KCTD8: variants seen among roughly 807,000 people sequenced by gnomAD.
KCTD8 encodes the protein BTB/POZ domain-containing protein KCTD8.
Under a neutral mutation model 31.5 loss-of-function variants are expected in KCTD8, and 27 were observed. The ratio of observed to expected loss-of-function variants is 0.86; its 90% CI spans 0.63 to 1.18. KCTD8 has a LOEUF of 1.18. Among genes scored for constraint, KCTD8 ranks in the 50% most tolerant of loss-of-function variants. KCTD8 has a pLI of 0.00. For missense variants in KCTD8, 658 were observed against 647.7 expected (o/e 1.02, Z -0.17); for synonymous variants, 290 against 280.0 (o/e 1.04, Z -0.36).
At chr4:44,272,066 A>T (rs1052203591) in intron 1 of KCTD8, among the ~76,000 whole-genome samples, 147 of 151,636 alleles carry the variant, frequency 9.7e-4, no homozygotes, top group African/African-American at 3.5e-3. Context: ...GAGAAGACAT[A>T]CATTGAGTGT....
rs1197451507 is a variant in KCTD8, at chr4:44,380,414, T to C, written c.961+67149A>G. 6.9e-5 allele frequency among the ~76,000 whole-genome samples: 10 copies of C among 145,118 alleles called. No homozygotes were observed. In the South Asian group the frequency reaches 2.1e-3, roughly 31 times the overall value. ...ATCAATATTGGCAAGCGAGACTCCA[T>C]CTCAAAAAAAAAAAAAAATCAGTAT... is the stretch of plus-strand genomic sequence containing the variant. On this transcript the variant is annotated intron_variant, in intron 1 of 1. Transcript: ENST00000360029.
intron 1 of KCTD8, among the ~76,000 whole-genome samples, chr4:44,418,515 A>G (rs1721132968): frequency 6.6e-6 from 1 of 152,214 alleles, no homozygotes; most frequent in Admixed American, 6.5e-5. Flanking sequence ...TCAGATCAAC[A>G]TTAGAAAAAG....
chr4:44,384,740 A>G (rs576865520), intron 1 of KCTD8, among the ~76,000 whole-genome samples: 11 of 151,810 alleles, frequency 7.2e-5, no homozygotes, highest in Admixed American at 2.0e-4. Flanking sequence ...AGCTGACTAT[A>G]GTTAACTACA....
At chr4:44,236,897 G>T (rs1375335053) in intron 1 of KCTD8, among the ~76,000 whole-genome samples, 1 of 152,144 alleles carries the variant, frequency 6.6e-6, no homozygotes, top group Non-Finnish European at 1.5e-5. Context: ...GAGATCTGAT[G>T]ATTTTATAAG....
chr4:44,184,650 C>T lies in KCTD8; in HGVS notation c.962-9400G>A, dbSNP rs183297251. Reference sequence around the variant, plus strand: ...GTGCTTTTCTATTCTCTCATGGTGCCTTCATCAGAATAGTTGCTTAACAAA... The same window carrying T: ...GTGCTTTTCTATTCTCTCATGGTGCTTTCATCAGAATAGTTGCTTAACAAA... On this transcript the variant is annotated intron_variant, in intron 1 of 1. Transcript: ENST00000360029. 1.0e-3 allele frequency among the ~76,000 whole-genome samples: 157 copies of T among 152,320 alleles called. 1 individual carries two copies. The highest frequency in any genetic ancestry group is 0.01 in the Middle Eastern group (3 of 294).
intron 1 of KCTD8, among the ~76,000 whole-genome samples, chr4:44,345,402 T>C (rs1242666676): frequency 6.6e-6 from 1 of 152,134 alleles, no homozygotes; most frequent in African/African-American, 2.4e-5. Context: ...AAGTACTCTC[T>C]GGTCAGATTT....
intron 1 of KCTD8, among the ~76,000 whole-genome samples, chr4:44,295,074 C>A (rs1190889086): frequency 6.6e-6 from 1 of 152,066 alleles, no homozygotes; most frequent in East Asian, 1.9e-4. Flanking sequence ...AGGGGGATCC[C>A]TTGAGCCCAG....
intron 1 of KCTD8, among the ~76,000 whole-genome samples, chr4:44,385,187 A>G (rs771160990): frequency 9.2e-5 from 14 of 151,672 alleles, no homozygotes; most frequent in Non-Finnish European, 1.6e-4. Flanking sequence ...TCAAAACCCC[A>G]ATGACATTTT....
intron 1 of KCTD8, among the ~76,000 whole-genome samples, chr4:44,342,959 A>G (rs1718943389): frequency 6.6e-6 from 1 of 152,198 alleles, no homozygotes; most frequent in Non-Finnish European, 1.5e-5. Context: ...GCTTAAGAGA[A>G]TGTTTGGTTG....
At chr4:44,287,096 C>G (rs2109382588) in intron 1 of KCTD8, among the ~76,000 whole-genome samples, 1 of 152,140 alleles carries the variant, frequency 6.6e-6, no homozygotes, top group East Asian at 1.9e-4. Flanking sequence ...ATATAAACCA[C>G]ATAAACTTGC....
At chr4:44,316,724 GC>G (rs1718119193) in intron 1 of KCTD8, among the ~76,000 whole-genome samples, 1 of 141,092 alleles carries the variant, frequency 7.1e-6, no homozygotes, top group Non-Finnish European at 1.5e-5. Context: ...GCCGAGGCGG[GC>G]CAATCACAAG....
intron 1 of KCTD8, among the ~76,000 whole-genome samples, chr4:44,337,338 A>G (rs1267647716): frequency 6.6e-6 from 1 of 152,192 alleles, no homozygotes; most frequent in African/African-American, 2.4e-5. Context: ...TTAAAAGTAA[A>G]AACTATAACC....
chr4:44,397,338 T>G (rs1173804416), intron 1 of KCTD8, among the ~76,000 whole-genome samples: 1 of 152,170 alleles, frequency 6.6e-6, no homozygotes, highest in Admixed American at 6.6e-5. Flanking sequence ...TCTCTAATAC[T>G]CATATACGTA....
At chr4:44,431,601 C>G (rs1721508412) in intron 1 of KCTD8, among the ~76,000 whole-genome samples, 1 of 151,344 alleles carries the variant, frequency 6.6e-6, no homozygotes, top group Admixed American at 6.6e-5. Flanking sequence ...CAAAAAAAAC[C>G]TTACTCTATG....
At chr4:44,380,542 T>G (rs542150844) in intron 1 of KCTD8, among the ~76,000 whole-genome samples, 1 of 151,822 alleles carries the variant, frequency 6.6e-6, no homozygotes, top group African/African-American at 2.4e-5. Context: ...AATTATTAAT[T>G]TCATATTAAT....
At chr4:44,271,431 T>A (rs1213062103) in intron 1 of KCTD8, among the ~76,000 whole-genome samples, 1 of 152,118 alleles carries the variant, frequency 6.6e-6, no homozygotes, top group African/African-American at 2.4e-5. Flanking sequence ...AGACTTCTAG[T>A]GTTCAAATCT....
chr4:44,319,140 T>G (rs1359900144), intron 1 of KCTD8, among the ~76,000 whole-genome samples: 1 of 152,198 alleles, frequency 6.6e-6, no homozygotes, highest in Non-Finnish European at 1.5e-5. Flanking sequence ...GCAGTTGGAA[T>G]AGCTGCCACA....
chr4:44,380,885 T>C (rs1205150154), intron 1 of KCTD8, among the ~76,000 whole-genome samples: 1 of 152,046 alleles, frequency 6.6e-6, no homozygotes, highest in Non-Finnish European at 1.5e-5. Flanking sequence ...GTCCACAAAA[T>C]GTGAAGACTC....
intron 1 of KCTD8, among the ~76,000 whole-genome samples, chr4:44,202,946 G>T (rs895747914): frequency 1.3e-5 from 2 of 152,028 alleles, no homozygotes; most frequent in Non-Finnish European, 2.9e-5. Flanking sequence ...TCTATGACAA[G>T]TTGAGGGACC....
Sources: allele counts gnomAD v4.1 joint callset (sites outside exome capture counted in the v4.1 genomes callset), GRCh38; gene constraint gnomAD v4.1.1; transcripts MANE v1.5; gene names NCBI Gene and HGNC (gene_info 2026-07-23, HGNC 2026-07-21).